The following EFCAB12 variants were observed in gnomAD, a reference collection of about 807,000 sequenced individuals.
The protein encoded by EFCAB12 is EF-hand calcium-binding domain-containing protein 12.
In EFCAB12, 43 loss-of-function variants were observed where a neutral mutation model predicts 53.6. The ratio of observed to expected loss-of-function variants is 0.80; its 90% confidence interval spans 0.63 to 1.03. EFCAB12 has a LOEUF of 1.03. Ranked by LOEUF, EFCAB12 falls within the 50% of genes least tolerant of loss-of-function variation. EFCAB12 has a pLI of 0.00. For synonymous variants in EFCAB12, 269 were observed against 289.2 expected (o/e 0.93, Z 0.71); for missense variants, 646 against 730.6 (o/e 0.88, Z 1.34).
chr3:129,425,288 G>A (rs2072257157), intron 1 of EFCAB12, among the ~76,000 whole-genome samples: 1 of 152,102 alleles, frequency 6.6e-6, no homozygotes, highest in Non-Finnish European at 1.5e-5. Flanking sequence ...TTCCCCATTT[G>A]AAACCATTCA....
intron 6 of EFCAB12, among the ~76,000 whole-genome samples, chr3:129,405,787 G>T (rs371420964): frequency 6.6e-6 from 1 of 152,100 alleles, no homozygotes; most frequent in Non-Finnish European, 1.5e-5. Flanking sequence ...TAAAGATACC[G>T]AATAGCAAGT....
At position 129,401,722 on chromosome 3, in the gene EFCAB12, G is replaced by A; in HGVS notation, c.1590C>T (p.Phe530=). 6.3e-7 allele frequency: 1 copy of A among 1,598,904 alleles called. No homozygotes were observed. ...CATGGGGCTGGTGTTGAACACAACT[G>A]AAGAGCGCCAGGCTCCGGTCTGTGG... The part of the protein sequence containing the change: ...TVATDRSLAL[F]SCVQHQPHVY... The change falls in exon 9 of 9, where the codon TTC becomes TTT. Residue 530 remains phenylalanine, a synonymous_variant. Transcript: ENST00000505956.
rs1050869269 is a variant in EFCAB12, at chr3:129,423,366, C to T, written c.50-1563G>A. Among the ~76,000 whole-genome samples, 6 of 152,306 alleles carry T rather than the reference C, an allele frequency of 3.9e-5. No homozygotes were observed. The East Asian group carries it at 9.6e-4, about 24-fold the overall frequency. On this transcript the variant is annotated intron_variant, in intron 1 of 8. Coordinates refer to ENST00000505956, the MANE Select transcript of EFCAB12 (RefSeq NM_207307.3). ...AAGGGGCCAGGCATGGTAGCTTATG[C>T]CTGTAATCCAAGCACTTTGGGAGGC...
chr3:129,427,074 C>T (rs1449966074), intron 1 of EFCAB12, among the ~76,000 whole-genome samples: 1 of 151,874 alleles, frequency 6.6e-6, no homozygotes, highest in Non-Finnish European at 1.5e-5. Context: ...GTCTTGATCT[C>T]CTGACCTCGT....
At chr3:129,403,300 AAAC>A (rs1343448681) in intron 7 of EFCAB12, 1 of 152,452 alleles carries the variant, frequency 6.6e-6, no homozygotes, top group Non-Finnish European at 1.5e-5. Flanking sequence ...GAGCAAGGTA[AAAC>A]AACGACAATC....
Position 129,411,269 on chromosome 3 carries a change from C to T in EFCAB12, c.924G>A (p.Val308=). The part of the protein sequence containing the change: ...EVDSAPQLPK[V]DLLTVPAVDT... ...CGACTGCAGGCACCGTCAGTAGGTC[C>T]ACTTTGGGAAGCTGTGGGGCTGAAT... is the stretch of plus-strand genomic sequence containing the variant. Residue 308 remains valine, a synonymous_variant, in exon 5 of 9, where the codon GTG becomes GTA. Coordinates refer to ENST00000505956, the MANE Select transcript of EFCAB12 (RefSeq NM_207307.3). The T allele has an allele frequency of 6.2e-7, 1 of 1,613,632 alleles. No individual in the cohort carries two copies. Among genetic ancestry groups the T allele is most frequent in the Non-Finnish European group, 8.5e-7 (1 of 1,179,644 alleles).
intron 7 of EFCAB12, chr3:129,403,477 G>C (rs967582848): frequency 6.6e-6 from 1 of 152,284 alleles, no homozygotes; most frequent in African/African-American, 2.4e-5. Flanking sequence ...ACAGGGCCCT[G>C]CTGTGTCCCA....
intron 5 of EFCAB12, 137 bp downstream of exon 5, chr3:129,411,021 G>A (rs1156354522): frequency 1.5e-5 from 13 of 849,434 alleles, no homozygotes; most frequent in Middle Eastern, 3.6e-4. Flanking sequence ...GATGAGGGAC[G>A]TGAAGAAGGG....
At chr3:129,404,482 G>A in intron 6 of EFCAB12, 79 bp from the exon 7 acceptor site, 1 of 1,311,420 alleles carries the variant, frequency 7.6e-7, no homozygotes. Context: ...GTCAGAGGAG[G>A]TGTTTTTTTT....
intron 1 of EFCAB12, among the ~76,000 whole-genome samples, chr3:129,427,381 ATC>A (rs1275286775): frequency 2.7e-5 from 4 of 150,734 alleles, no homozygotes; most frequent in Non-Finnish European, 5.9e-5. Flanking sequence ...ACGTTCTCTT[ATC>A]TCTGTGGAAG....
Position 129,402,517 on chromosome 3 carries a change from A to G in EFCAB12, c.1460+6T>C. The stretch of plus-strand genomic sequence containing the variant: ...TTCCTTGTGGAGTTAGATGATTGCC[A>G]CAGACCTGGTAAATTCCTCAAACTC... On this transcript the variant is annotated splice_donor_region_variant and intron_variant, in intron 8 of 8. Transcript: ENST00000505956. The G allele has an allele frequency of 6.2e-7, 1 of 1,611,784 alleles. No homozygotes were observed. The highest frequency in any genetic ancestry group is 8.5e-7 in the Non-Finnish European group (1 of 1,178,830).
intron 1 of EFCAB12, among the ~76,000 whole-genome samples, chr3:129,424,615 A>G (rs1424194629): frequency 6.6e-6 from 1 of 152,248 alleles, no homozygotes; most frequent in Non-Finnish European, 1.5e-5. Context: ...CTTTATAGCA[A>G]TGCTAGAACA....
At position 129,408,709 on chromosome 3, in the gene EFCAB12, GT is replaced by G; in HGVS notation, c.1184del (p.Tyr395SerfsTer15). 1 of 1,589,074 alleles carries G rather than the reference GT, an allele frequency of 6.3e-7. No individual in the cohort carries two copies. The highest frequency in any genetic ancestry group is 8.6e-7 in the Non-Finnish European group (1 of 1,166,704). ...DSARRHNFLVYLQCWKLCKSY... is the reference protein window; with the variant it reads ...DSARRHNFLVXLQCWKLCKSY... ...ACTTACAGAGCTTCCAGCATTGCAGGTAGACCAGAAAGTTGTGCCTGCGGGC... is the reference window on the plus strand; with the variant it reads ...ACTTACAGAGCTTCCAGCATTGCAGGAGACCAGAAAGTTGTGCCTGCGGGC... On this transcript the variant is annotated frameshift_variant, in exon 6 of 9. Transcript: ENST00000505956. LOFTEE classifies it high-confidence loss of function.
intron 8 of EFCAB12, among the ~76,000 whole-genome samples, chr3:129,402,119 A>G (rs2071880299): frequency 6.6e-6 from 1 of 152,142 alleles, no homozygotes. Flanking sequence ...CTCTAAACTC[A>G]AAGTCTTAAG....
At chr3:129,402,637 T>G (rs1456190566) in intron 7 of EFCAB12, 58 bp from the exon 8 acceptor site, 2 of 1,559,298 alleles carry the variant, frequency 1.3e-6, no homozygotes, top group Non-Finnish European at 1.8e-6. Flanking sequence ...CCAATGGGGC[T>G]TTAGGGAGTA....
intron 6 of EFCAB12, among the ~76,000 whole-genome samples, chr3:129,407,056 G>A (rs1008992858): frequency 2.6e-5 from 4 of 152,158 alleles, no homozygotes; most frequent in Non-Finnish European, 5.9e-5. Flanking sequence ...AGATGATCAA[G>A]CTAAAACGAG....
chr3:129,411,543 C>T, intron 4 of EFCAB12, 189 bp from the exon 5 acceptor site: 1 of 525,814 alleles, frequency 1.9e-6, no homozygotes. Flanking sequence ...CTCTCCATCT[C>T]CACTAATGGC....
intron 1 of EFCAB12, 130 bp downstream of exon 1, chr3:129,428,310 G>A (rs2072295086): frequency 7.8e-7 from 1 of 1,277,278 alleles, no homozygotes; most frequent in Non-Finnish European, 1.1e-6. Context: ...ACCTGCCCCC[G>A]ACTCCATGGC....
At chr3:129,406,624 T>A (rs2107736134) in intron 6 of EFCAB12, among the ~76,000 whole-genome samples, 1 of 152,194 alleles carries the variant, frequency 6.6e-6, no homozygotes, top group South Asian at 2.1e-4. Context: ...TACCTCAGCC[T>A]CCTGAGTAGC....
Sources: gnomAD v4.1 joint callset for allele counts (sites outside exome capture counted in the v4.1 genomes callset) on GRCh38, gnomAD v4.1.1 for gene constraint, MANE v1.5 for transcripts, NCBI Gene and HGNC (gene_info 2026-07-23, HGNC 2026-07-21) for gene names.